DLX6: variants seen among roughly 807,000 people sequenced by gnomAD.
The protein encoded by DLX6 is distal-less homeobox 6.
A neutral mutation model predicts 33.5 loss-of-function variants in DLX6; 4 were observed. The ratio of observed to expected loss-of-function variants is 0.12; its 90% confidence interval spans 0.06 to 0.27. The LOEUF (loss-of-function observed/expected upper bound fraction) is 0.27, where lower values mean the gene tolerates loss of function less well. Ranked by LOEUF, DLX6 falls within the 10% of genes least tolerant of loss-of-function variation. The probability of loss-of-function intolerance (pLI) is 1.00; values close to 1 mark genes in which losing one functional copy is unlikely to be tolerated. For missense variants in DLX6, 382 were observed against 393.3 expected, an observed-to-expected ratio of 0.97 and a Z score of 0.24; for synonymous variants, 184 against 164.8, an observed-to-expected ratio of 1.12 and a Z score of -0.89.
chr7:97,006,135 C>CGCA lies in DLX6; in HGVS notation c.161_163dup (p.Gln54dup), dbSNP rs765647743. On this transcript the variant is annotated inframe_insertion, in exon 1 of 3. Transcript: ENST00000518156. ...CCGCCGCCGCCGCCGCCGCCGCCGC[C>CGCA]GCAGCCGCACTCGCAGCAGAGCTCC... The CGCA allele has an allele frequency of 2.0e-6, 3 of 1,527,426 alleles. No individual in the cohort carries two copies. 94.6% of individuals were successfully genotyped at this position (1,527,426 alleles called of 1,614,324 possible). A position where few individuals can be genotyped will look rare whatever the true frequency, so the allele number is the denominator to read the frequency against.
At chr7:97,007,319 C>G in intron 1 of DLX6, 1 of 585,968 alleles carries the variant, frequency 1.7e-6, no homozygotes, top group Non-Finnish European at 3.0e-6. Flanking sequence ...GGACAGCTGC[C>G]GCCTTGCTGC....
Position 97,006,241 on chromosome 7 carries a change from C to A in DLX6, c.264C>A (p.His88Gln). Reference protein sequence around the residue: ...AAAAAAGSHHHHHHQHHHHGS... With the variant: ...AAAAAAGSHHQHHHQHHHHGS... ...CGGCAGCGGCCGGCTCGCACCACCACCACCACCACCAGCACCACCACCACG... is the reference window on the plus strand; with the variant it reads ...CGGCAGCGGCCGGCTCGCACCACCAACACCACCACCAGCACCACCACCACG... Residue 88 changes from histidine (H) to glutamine (Q), a missense_variant, in exon 1 of 3, where the codon CAC becomes CAA. Physicochemically the swap from His to Gln is conservative, Grantham distance 24 (BLOSUM62 0). Around this residue, in one of 4 missense-constraint regions of DLX6, gnomAD observed 257 missense variants for 206.9 expected, o/e 1.24. Transcript: ENST00000518156. The A allele has an allele frequency of 6.6e-7, 1 of 1,520,284 alleles. No individual in the cohort carries two copies. The highest frequency in any genetic ancestry group is 8.8e-7 in the Non-Finnish European group (1 of 1,131,198). The allele number at this position is 1,520,284 out of a possible 1,614,324, so 94.2% of individuals were successfully genotyped here. A position where few individuals can be genotyped will look rare whatever the true frequency, so the allele number is the denominator to read the frequency against.
Position 97,009,826 on chromosome 7 carries a change from A to G in DLX6, c.661A>G (p.Lys221Glu), listed in dbSNP as rs1426724227. The G allele has an allele frequency of 6.2e-7, 1 of 1,614,010 alleles. No homozygotes were observed. Among genetic ancestry groups the G allele is most frequent in the African/African-American group, 1.3e-5 (1 of 75,050 alleles). Reference protein sequence around the residue: ...VKIWFQNKRSKFKKLLKQGSN... With the variant: ...VKIWFQNKRSEFKKLLKQGSN... ...GATATGGTTTCAGAACAAACGCTCT[A>G]AGTTTAAGAAACTGCTGAAGCAGGG... Residue 221 changes from lysine (K) to glutamate (E), a missense_variant, in exon 3 of 3, where the codon AAG becomes GAG. Physicochemically the swap from Lys to Glu is moderately conservative, Grantham distance 56. Coordinates refer to ENST00000518156, the MANE Select transcript of DLX6 (RefSeq NM_005222.4).
rs947610156 is a variant in DLX6, at chr7:97,006,476, C to T, written c.436+63C>T. On this transcript the variant is annotated intron_variant, in intron 1 of 2. Transcript: ENST00000518156. The stretch of plus-strand genomic sequence containing the variant: ...CCGACTGCCCCCTACCCCGCCCGCC[C>T]GCTCACTTCCTCGACGCCCGGGCCT... 7 of 1,245,294 alleles carry T rather than the reference C, an allele frequency of 5.6e-6. No homozygotes were observed. In the East Asian group the frequency reaches 1.9e-4, roughly 34 times the overall value. The allele number at this position is 1,245,294 out of a possible 1,614,324, so 77.1% of individuals were successfully genotyped here.
chr7:97,007,953 T>A (rs1584156527), intron 2 of DLX6, 122 bp downstream of exon 2: 1 of 1,000,086 alleles, frequency 1.0e-6, no homozygotes, highest in East Asian at 2.6e-5. Context: ...TAATGACAAA[T>A]GCCTTTTGCT....
In DLX6 at chr7:97,005,589, GACGCGCA is replaced by G. The variant is rs1481568679; in HGVS notation, c.-386_-380del. On this transcript the variant is annotated 5_prime_UTR_variant, in exon 1 of 3. Coordinates refer to ENST00000518156, the MANE Select transcript of DLX6 (RefSeq NM_005222.4). ...GGCGTCTGCATCAAGTCTGAAAGCA[GACGCGCA>G]ACTTTCGCAGAATCCACCTTAAAAT... 1 of 153,156 alleles carries G rather than the reference GACGCGCA, an allele frequency of 6.5e-6. No individual in the cohort carries two copies. The highest frequency in any genetic ancestry group is 1.5e-5 in the Non-Finnish European group (1 of 68,732). 9.5% of individuals were successfully genotyped at this position (153,156 alleles called of 1,614,324 possible). A position where few individuals can be genotyped will look rare whatever the true frequency, so the allele number is the denominator to read the frequency against.
In DLX6 at chr7:97,005,896, C is replaced by G; in HGVS notation, c.-82C>G. The G allele has an allele frequency of 1.3e-6, 1 of 778,056 alleles. No homozygotes were observed. Among genetic ancestry groups the G allele is most frequent in the Admixed American group, 3.6e-5 (1 of 27,472 alleles). 48.2% of individuals were successfully genotyped at this position (778,056 alleles called of 1,614,324 possible). On this transcript the variant is annotated 5_prime_UTR_variant, in exon 1 of 3. Coordinates refer to ENST00000518156, the MANE Select transcript of DLX6 (RefSeq NM_005222.4). Reference sequence around the variant, plus strand: ...AGGATCCAAAGAGCTAAGGTGGCTGCAGAGGGGAGAGCGGCGCGAGCCAAG... The same window carrying G: ...AGGATCCAAAGAGCTAAGGTGGCTGGAGAGGGGAGAGCGGCGCGAGCCAAG...
At position 97,010,394 on chromosome 7, in the gene DLX6, A is replaced by G. The variant is rs1026676370; in HGVS notation, c.*347A>G. The G allele has an allele frequency of 2.3e-5, 5 of 219,978 alleles. No individual in the cohort carries two copies. The highest frequency in any genetic ancestry group is 5.2e-5 in the Admixed American group (1 of 19,304). The allele number at this position is 219,978 out of a possible 1,614,324, so 13.6% of individuals were successfully genotyped here. ...ATGTGTGAGAGAGAAACTGGTTTCT[A>G]TGCCAGCACTCCTGAAACCCCTTAC... On this transcript the variant is annotated 3_prime_UTR_variant, in exon 3 of 3. Transcript: ENST00000518156.
At position 97,009,227 on chromosome 7, in the gene DLX6, A is replaced by G. The variant is rs533572538; in HGVS notation, c.631-569A>G. On this transcript the variant is annotated intron_variant, in intron 2 of 2. Coordinates refer to ENST00000518156, the MANE Select transcript of DLX6 (RefSeq NM_005222.4). ...AATCTATGGCATATGCAATATATGC[A>G]TAGATATATTCAAGGCATTTAGTTA... 4.6e-5 allele frequency among the ~76,000 whole-genome samples: 7 copies of G among 152,370 alleles called. No homozygotes were observed. In the East Asian group the frequency reaches 1.3e-3, roughly 29 times the overall value.
At chr7:97,009,341 G>A (rs1343022685) in intron 2 of DLX6, among the ~76,000 whole-genome samples, 2 of 152,088 alleles carry the variant, frequency 1.3e-5, no homozygotes, top group Admixed American at 6.5e-5. Flanking sequence ...GCATGTACAC[G>A]GAGAAAATGA....
chr7:97,007,950 A>C (rs1789773778), intron 2 of DLX6, 119 bp downstream of exon 2: 1 of 1,056,330 alleles, frequency 9.5e-7, no homozygotes. Flanking sequence ...GCTTAATGAC[A>C]AATGCCTTTT....
rs1789697065 is a variant in DLX6, at chr7:97,005,840, ATTCTTTTT to A, written c.-135_-128del. ...GAACCACCTCCACCCCCCTCTTTAA[ATTCTTTTT>A]TTTTTTTTTTTTTTTTTTTGCAAGG... is the stretch of plus-strand genomic sequence containing the variant. On this transcript the variant is annotated 5_prime_UTR_variant, in exon 1 of 3. Transcript: ENST00000518156. The A allele has an allele frequency of 1.6e-6, 1 of 626,982 alleles. No individual in the cohort carries two copies. Among genetic ancestry groups the A allele is most frequent in the East Asian group, 3.3e-5 (1 of 30,350 alleles). 38.8% of individuals were successfully genotyped at this position (626,982 alleles called of 1,614,324 possible). A position where few individuals can be genotyped will look rare whatever the true frequency, so the allele number is the denominator to read the frequency against.
At chr7:97,006,684 T>A (rs1041247396) in intron 1 of DLX6, 3 of 169,840 alleles carry the variant, frequency 1.8e-5, no homozygotes, top group Non-Finnish European at 3.7e-5. Context: ...GTTCGACGAG[T>A]TAGTCCACAC....
chr7:97,010,387 G>T lies in DLX6; in HGVS notation c.*340G>T. On this transcript the variant is annotated 3_prime_UTR_variant, in exon 3 of 3. Transcript: ENST00000518156. ...AAAGAGCATGTGTGAGAGAGAAACT[G>T]GTTTCTATGCCAGCACTCCTGAAAC... 4.4e-6 allele frequency: 1 copy of T among 227,764 alleles called. No homozygotes were observed. Among genetic ancestry groups the T allele is most frequent in the Non-Finnish European group, 8.6e-6 (1 of 116,154 alleles). The allele number at this position is 227,764 out of a possible 1,614,324, so 14.1% of individuals were successfully genotyped here.
At position 97,006,051 on chromosome 7, in the gene DLX6, GGCAGCAGCAGCAGCA is replaced by G. The variant is rs530625473; in HGVS notation, c.84_98del (p.Gln40_Gln44del). 48 of 1,582,050 alleles carry G rather than the reference GGCAGCAGCAGCAGCA, an allele frequency of 3.0e-5. No homozygotes were observed. Among genetic ancestry groups the G allele is most frequent in the East Asian group, 2.5e-4 (11 of 43,294 alleles). On this transcript the variant is annotated inframe_deletion, in exon 1 of 3. Coordinates refer to ENST00000518156, the MANE Select transcript of DLX6 (RefSeq NM_005222.4). ...TCCAAATCCGCCTTCATGGAGTTCG[GGCAGCAGCAGCAGCA>G]GCAGCAGCAACAGCAGCAGCAGCAG...
chr7:97,005,857 TTTTTTTTTTTG>T lies in DLX6; in HGVS notation c.-120_-110del, dbSNP rs2115863262. Reference sequence around the variant, plus strand: ...CTCTTTAAATTCTTTTTTTTTTTTTTTTTTTTTTTTGCAAGGATCCAAAGAGCTAAGGTGGC... The same window carrying T: ...CTCTTTAAATTCTTTTTTTTTTTTTTCAAGGATCCAAAGAGCTAAGGTGGC... On this transcript the variant is annotated 5_prime_UTR_variant, in exon 1 of 3. Transcript: ENST00000518156. 2 of 423,042 alleles carry T rather than the reference TTTTTTTTTTTG, an allele frequency of 4.7e-6. No individual in the cohort carries two copies. Among genetic ancestry groups the T allele is most frequent in the South Asian group, 5.9e-5 (1 of 16,982 alleles). The allele number at this position is 423,042 out of a possible 1,614,324, so 26.2% of individuals were successfully genotyped here.
chr7:97,009,924 A>G lies in DLX6; in HGVS notation c.759A>G (p.Pro253=). ...CGCCACGCTCGCCAGCGCTGCCTCC[A>G]GTCTGGGACGTTTCTGCCTCGGCCA... ...ALSPRSPALP[P]VWDVSASAKG... is the part of the protein sequence containing the mutation. The change falls in exon 3 of 3, where the codon CCA becomes CCG. Residue 253 remains proline, a synonymous_variant. Coordinates refer to ENST00000518156, the MANE Select transcript of DLX6 (RefSeq NM_005222.4). 2 of 1,613,974 alleles carry G rather than the reference A, an allele frequency of 1.2e-6. No individual in the cohort carries two copies. Among genetic ancestry groups the G allele is most frequent in the East Asian group, 2.2e-5 (1 of 44,868 alleles).
chr7:97,006,076 A>ACAGCAGCAGCAGCAGCAG lies in DLX6; in HGVS notation c.105_122dup (p.Gln39_Gln44dup), dbSNP rs747232821. On this transcript the variant is annotated inframe_insertion, in exon 1 of 3. Transcript: ENST00000518156. ...GGCAGCAGCAGCAGCAGCAGCAGCA[A>ACAGCAGCAGCAGCAGCAG]CAGCAGCAGCAGCAGCAGCAGCAAC... is the stretch of plus-strand genomic sequence containing the variant. The ACAGCAGCAGCAGCAGCAG allele has an allele frequency of 7.3e-7, 1 of 1,370,124 alleles. No homozygotes were observed. The highest frequency in any genetic ancestry group is 9.9e-7 in the Non-Finnish European group (1 of 1,008,480). 84.9% of individuals were successfully genotyped at this position (1,370,124 alleles called of 1,614,324 possible).
chr7:97,007,550 G>A (rs570025564), intron 1 of DLX6, 88 bp from the exon 2 acceptor site: 2 of 1,272,126 alleles, frequency 1.6e-6, no homozygotes, highest in African/African-American at 3.0e-5. Context: ...TTGGGCTTTG[G>A]GGAGACTCGT....
Sources: allele counts gnomAD v4.1 joint callset (sites outside exome capture counted in the v4.1 genomes callset), GRCh38; gene constraint gnomAD v4.1.1; regional missense constraint gnomAD v4.1.1; transcripts MANE v1.5; gene names NCBI Gene and HGNC (gene_info 2026-07-23, HGNC 2026-07-21).